NBEA: variants seen among roughly 807,000 people sequenced by gnomAD.
NBEA encodes the protein neurobeachin, also known as lysosomal-trafficking regulator 2.
NBEA carries 44 observed loss-of-function variants against 343.4 expected under a neutral mutation model. The observed-to-expected ratio is 0.13, with a 90% CI of 0.10 to 0.16. The LOEUF (loss-of-function observed/expected upper bound fraction) is 0.16. NBEA is among the 10% of genes least tolerant of loss of function. The pLI is 1.00. For synonymous variants in NBEA, 1,175 were observed against 1,238.7 expected, an observed-to-expected ratio of 0.95 and a Z score of 1.08; for missense variants, 2,555 against 3,631.3, an observed-to-expected ratio of 0.70 and a Z score of 7.62.
At chr13:35,644,920 C>CT (rs1267462819) in intron 49 of NBEA, among the ~76,000 whole-genome samples, 4 of 152,158 alleles carry the variant, frequency 2.6e-5, no homozygotes, top group African/African-American at 9.7e-5. Flanking sequence ...TTGGACAGCA[C>CT]TTAAAGAGAT....
chr13:35,654,552 G>T (rs926441276), intron 53 of NBEA, among the ~76,000 whole-genome samples: 1 of 152,046 alleles, frequency 6.6e-6, no homozygotes, highest in African/African-American at 2.4e-5. Flanking sequence ...AACATCTAAA[G>T]AATTAAATGC....
intron 1 of NBEA, among the ~76,000 whole-genome samples, chr13:34,983,181 C>A (rs1333967314): frequency 6.6e-6 from 1 of 152,114 alleles, no homozygotes; most frequent in Non-Finnish European, 1.5e-5. Context: ...TGACCCCCAC[C>A]CCACACCAGG....
intron 1 of NBEA, among the ~76,000 whole-genome samples, chr13:34,956,320 A>G (rs2059488820): frequency 6.6e-6 from 1 of 151,984 alleles, no homozygotes; most frequent in South Asian, 2.1e-4. Context: ...TAAAAAATGA[A>G]ATTTATATAC....
chr13:35,439,958 C>A (rs993968956), intron 39 of NBEA, among the ~76,000 whole-genome samples: 1 of 152,212 alleles, frequency 6.6e-6, no homozygotes, highest in Non-Finnish European at 1.5e-5. Context: ...TGGCTCACTG[C>A]AACCGCCACC....
rs562731484 is a variant in NBEA, at chr13:35,671,816, G to A, written c.*825G>A. ...GAAGACACAGCAGAAAGGGGGCTTAGGGATGAGGTCCTGGTTTTTCTTGTA... is the reference window on the plus strand; with the variant it reads ...GAAGACACAGCAGAAAGGGGGCTTAAGGATGAGGTCCTGGTTTTTCTTGTA... On this transcript the variant is annotated 3_prime_UTR_variant, in exon 59 of 59. Coordinates refer to ENST00000379939, the MANE Select transcript of NBEA (RefSeq NM_001385012.1). The A allele has an allele frequency of 2.6e-5, 4 of 152,750 alleles. No individual in the cohort carries two copies. The South Asian group carries it at 8.3e-4, about 32-fold the overall frequency. The allele number at this position is 152,750 out of a possible 1,614,324, so 9.5% of individuals were successfully genotyped here. A position where few individuals can be genotyped will look rare whatever the true frequency, so the allele number is the denominator to read the frequency against.
intron 1 of NBEA, among the ~76,000 whole-genome samples, chr13:35,005,215 G>T (rs2061277225): frequency 7.5e-6 from 1 of 132,482 alleles, no homozygotes; most frequent in South Asian, 2.7e-4. Context: ...GCACAGGGCA[G>T]ATTTTTTTTT....
chr13:35,492,730 T>C (rs1472501425), intron 41 of NBEA, among the ~76,000 whole-genome samples: 1 of 151,856 alleles, frequency 6.6e-6, no homozygotes, highest in Non-Finnish European at 1.5e-5. Flanking sequence ...GGAAGATAAA[T>C]TTGTAGATGG....
intron 35 of NBEA, among the ~76,000 whole-genome samples, chr13:35,299,639 C>A (rs73169725): frequency 6.6e-6 from 1 of 152,202 alleles, no homozygotes; most frequent in Non-Finnish European, 1.5e-5. Context: ...TCTCTGCAGG[C>A]ATTCAAACCC....
intron 30 of NBEA, among the ~76,000 whole-genome samples, chr13:35,190,995 A>C (rs1018476310): frequency 2.0e-5 from 3 of 152,180 alleles, no homozygotes; most frequent in African/African-American, 7.2e-5. Context: ...GTAATAACTG[A>C]AATGAAAAAT....
In NBEA at chr13:35,170,286, T is replaced by C. The variant is rs146672207; in HGVS notation, c.4243-986T>C. 6.3e-4 allele frequency among the ~76,000 whole-genome samples: 96 copies of C among 151,914 alleles called. No individual in the cohort carries two copies. In the East Asian group the frequency reaches 0.014, roughly 21 times the overall value. The stretch of plus-strand genomic sequence containing the variant: ...AATAGGAATAGATACCTATTACATA[T>C]GCTAACCTTGTAGTTGAATTTATCA... On this transcript the variant is annotated intron_variant, in intron 25 of 58. Coordinates refer to ENST00000379939, the MANE Select transcript of NBEA (RefSeq NM_001385012.1).
At chr13:34,989,906 G>A (rs553688428) in intron 1 of NBEA, among the ~76,000 whole-genome samples, 3 of 151,004 alleles carry the variant, frequency 2.0e-5, no homozygotes, top group South Asian at 2.1e-4. Flanking sequence ...GGGAGAAATC[G>A]GCCAAAACAA....
At chr13:35,049,589 G>A (rs1169380274) in intron 5 of NBEA, among the ~76,000 whole-genome samples, 1 of 151,734 alleles carries the variant, frequency 6.6e-6, no homozygotes, top group Non-Finnish European at 1.5e-5. Context: ...TTTTAAATAA[G>A]CATCTGAACT....
intron 33 of NBEA, among the ~76,000 whole-genome samples, chr13:35,211,891 A>C (rs2073799784): frequency 6.6e-6 from 1 of 152,144 alleles, no homozygotes; most frequent in South Asian, 2.1e-4. Context: ...AATGTTATAT[A>C]TAACATCATT....
At chr13:35,307,366 T>G (rs1020254862) in intron 35 of NBEA, among the ~76,000 whole-genome samples, 2 of 152,064 alleles carry the variant, frequency 1.3e-5, no homozygotes, top group African/African-American at 4.8e-5. Flanking sequence ...TTCATTGGCT[T>G]TCTCAAACTT....
intron 41 of NBEA, among the ~76,000 whole-genome samples, chr13:35,504,364 C>T (rs1267421665): frequency 6.6e-6 from 1 of 152,116 alleles, no homozygotes; most frequent in African/African-American, 2.4e-5. Flanking sequence ...CAGTTCTTAA[C>T]TAAAACTGTT....
intron 13 of NBEA, among the ~76,000 whole-genome samples, chr13:35,115,735 A>C (rs576606092): frequency 1.3e-5 from 2 of 152,234 alleles, no homozygotes; most frequent in African/African-American, 4.8e-5. Flanking sequence ...TATATTATGC[A>C]GTATACAATA....
At chr13:35,639,859 T>C (rs1240268044) in intron 49 of NBEA, among the ~76,000 whole-genome samples, 1 of 151,968 alleles carries the variant, frequency 6.6e-6, no homozygotes, top group Non-Finnish European at 1.5e-5. Flanking sequence ...GAATAGGTCA[T>C]TTGAGAGCCT....
In NBEA at chr13:35,177,101, G is replaced by A. The variant is rs770728204; in HGVS notation, c.4660G>A (p.Val1554Met). 9 of 1,590,418 alleles carry A rather than the reference G, an allele frequency of 5.7e-6. No individual in the cohort carries two copies. The South Asian group carries it at 1.0e-4, about 18-fold the overall frequency. Residue 1554 changes from valine to methionine, a missense_variant and splice_region_variant, in exon 28 of 59, where the codon GTG becomes ATG. Physicochemically the swap from Val to Met is conservative, Grantham distance 21. Coordinates refer to ENST00000379939, the MANE Select transcript of NBEA (RefSeq NM_001385012.1). Reference sequence around the variant, plus strand: ...CCTTCGTGCTGTTGTCTTTCGGGATGTGGTAAGTTATACCTGATTGGTTTC... The same window carrying A: ...CCTTCGTGCTGTTGTCTTTCGGGATATGGTAAGTTATACCTGATTGGTTTC... ...NRLRAVVFRD[V>M]DDSKQAQFLA...
At chr13:34,997,405 C>T (rs1465107883) in intron 1 of NBEA, among the ~76,000 whole-genome samples, 1 of 152,164 alleles carries the variant, frequency 6.6e-6, no homozygotes, top group African/African-American at 2.4e-5. Context: ...TTCCATTGCA[C>T]ATTGATATAT....
Sources: gnomAD v4.1 joint callset for allele counts (sites outside exome capture counted in the v4.1 genomes callset) on GRCh38, gnomAD v4.1.1 for gene constraint, MANE v1.5 for transcripts, NCBI Gene and HGNC (gene_info 2026-07-23, HGNC 2026-07-21) for gene names.